The following C1orf105 variants were observed in gnomAD, a reference collection of about 807,000 sequenced individuals.
C1orf105 encodes the protein chromosome 1 open reading frame 105.
In C1orf105, 17 loss-of-function variants were observed where a neutral mutation model predicts 20.8. That is an observed-to-expected ratio of 0.82 (90% CI 0.56 to 1.23). C1orf105 has a LOEUF of 1.23. Among genes scored for constraint, C1orf105 ranks in the 50% most tolerant of loss-of-function variants. The pLI, the probability that C1orf105 is intolerant of heterozygous loss-of-function variation, is 0.00. For missense variants in C1orf105, 219 were observed against 213.5 expected, an observed-to-expected ratio of 1.03 and a Z score of -0.16; for synonymous variants, 72 against 72.1, an observed-to-expected ratio of 1.00 and a Z score of 0.01.
At chr1:172,442,544 T>C (rs758883644) in intron 1 of C1orf105, 1 of 1,614,190 alleles carries the variant, frequency 6.2e-7, no homozygotes, top group South Asian at 1.1e-5. Flanking sequence ...TCCACATAGT[T>C]ATCAGGAAAG....
chr1:172,430,280 A>G, intron 1 of C1orf105: 1 of 701,260 alleles, frequency 1.4e-6, no homozygotes, highest in Non-Finnish European at 2.6e-6. Flanking sequence ...CTTTATACCA[A>G]TTGTTTTCTA....
chr1:172,449,670 G>A (rs955499532), intron 3 of C1orf105, among the ~76,000 whole-genome samples: 5 of 152,270 alleles, frequency 3.3e-5, no homozygotes, highest in African/African-American at 1.2e-4. Context: ...ACACATTGAA[G>A]GTTTTCAACA....
intron 1 of C1orf105, among the ~76,000 whole-genome samples, chr1:172,438,079 G>C (rs1002736988): frequency 6.6e-6 from 1 of 152,062 alleles, no homozygotes; most frequent in African/African-American, 2.4e-5. Flanking sequence ...TCTGTTTACA[G>C]CATGATATAC....
chr1:172,449,904 G>C (rs746821376), intron 3 of C1orf105, among the ~76,000 whole-genome samples: 1 of 152,188 alleles, frequency 6.6e-6, no homozygotes, highest in Non-Finnish European at 1.5e-5. Context: ...ACCTGCCGCT[G>C]AATGCCTCCT....
chr1:172,447,131 A>G (rs1338208582), intron 2 of C1orf105, among the ~76,000 whole-genome samples: 2 of 152,228 alleles, frequency 1.3e-5, no homozygotes, highest in Non-Finnish European at 2.9e-5. Flanking sequence ...TCCGGGTTCC[A>G]AGCTGTTTAT....
At chr1:172,422,763 AG>A (rs71107352) in intron 1 of C1orf105, among the ~76,000 whole-genome samples, 66,592 of 151,576 alleles carry the variant, frequency 0.44, 17,590 homozygotes, top group East Asian at 0.63. Context: ...ACTGCCCTGA[AG>A]GGTAAGTCAC....
chr1:172,453,063 T>G, intron 3 of C1orf105: 1 of 1,550,632 alleles, frequency 6.4e-7, no homozygotes, highest in South Asian at 1.2e-5. Flanking sequence ...TCTCAAATGT[T>G]TGCGTCGCCT....
At chr1:172,465,900 T>C (rs1004645007) in intron 6 of C1orf105, among the ~76,000 whole-genome samples, 3 of 152,240 alleles carry the variant, frequency 2.0e-5, no homozygotes, top group African/African-American at 4.8e-5. Context: ...TCAGCTTTAG[T>C]TAAGGCAACA....
At chr1:172,463,209 T>G (rs1356181697) in intron 5 of C1orf105, among the ~76,000 whole-genome samples, 2 of 152,238 alleles carry the variant, frequency 1.3e-5, no homozygotes, top group African/African-American at 4.8e-5. Flanking sequence ...CAACTTGCAT[T>G]GCAATAGATG....
At chr1:172,462,701 C>T (rs1349732459) in intron 5 of C1orf105, among the ~76,000 whole-genome samples, 4 of 152,102 alleles carry the variant, frequency 2.6e-5, no homozygotes, top group Non-Finnish European at 5.9e-5. Flanking sequence ...AAATCAAGAT[C>T]GAGTATAACA....
intron 4 of C1orf105, 69 bp downstream of exon 4, chr1:172,456,558 C>A: frequency 6.8e-7 from 1 of 1,473,432 alleles, no homozygotes; most frequent in Non-Finnish European, 9.4e-7. Flanking sequence ...CCCAGCCAAG[C>A]CCTGTGGGGA....
At position 172,468,679 on chromosome 1, in the gene C1orf105, C is replaced by A; in HGVS notation, c.*85C>A. 2 of 1,404,444 alleles carry A rather than the reference C, an allele frequency of 1.4e-6. No individual in the cohort carries two copies. The highest frequency in any genetic ancestry group is 9.7e-7 in the Non-Finnish European group (1 of 1,032,092). 87.0% of individuals were successfully genotyped at this position (1,404,444 alleles called of 1,614,324 possible). A position where few individuals can be genotyped will look rare whatever the true frequency, so the allele number is the denominator to read the frequency against. On this transcript the variant is annotated 3_prime_UTR_variant, in exon 7 of 7. Transcript: ENST00000367727. ...CTTTGACACTGGCACCTTCTCCTCA[C>A]AATTTTCTCTCTTCTCCCAAAAGAT... is the stretch of plus-strand genomic sequence containing the variant.
intron 1 of C1orf105, among the ~76,000 whole-genome samples, chr1:172,421,571 T>A (rs912401877): frequency 6.6e-6 from 1 of 151,984 alleles, no homozygotes; most frequent in Non-Finnish European, 1.5e-5. Flanking sequence ...AAATCCTAAG[T>A]TGGGGAGGAC....
chr1:172,458,331 C>T (rs1649457445), intron 4 of C1orf105, among the ~76,000 whole-genome samples: 1 of 152,098 alleles, frequency 6.6e-6, no homozygotes, highest in Non-Finnish European at 1.5e-5. Context: ...CTAAGGAATG[C>T]ACAGAAAACT....
chr1:172,430,657 T>G (rs1384452040), intron 1 of C1orf105, among the ~76,000 whole-genome samples: 1 of 152,082 alleles, frequency 6.6e-6, no homozygotes, highest in African/African-American at 2.4e-5. Flanking sequence ...CCCAGGCTCG[T>G]CTCAAACTCC....
intron 1 of C1orf105, among the ~76,000 whole-genome samples, chr1:172,436,347 CA>C (rs752366356): frequency 6.6e-6 from 1 of 152,192 alleles, no homozygotes; most frequent in Non-Finnish European, 1.5e-5. Flanking sequence ...AACTATACTA[CA>C]AGGCTACAGT....
intron 3 of C1orf105, among the ~76,000 whole-genome samples, chr1:172,456,049 C>T (rs553187243): frequency 1.6e-4 from 24 of 152,258 alleles, no homozygotes; most frequent in Admixed American, 1.3e-3. Flanking sequence ...AAAAATGGCC[C>T]ACCTATAGGA....
intron 1 of C1orf105, among the ~76,000 whole-genome samples, chr1:172,440,170 A>C (rs2072174239): frequency 6.6e-6 from 1 of 152,240 alleles, no homozygotes; most frequent in South Asian, 2.1e-4. Context: ...ATATTTTGGA[A>C]TATGACTCCC....
chr1:172,421,047 G>T, intron 1 of C1orf105, 141 bp downstream of exon 1: 1 of 733,854 alleles, frequency 1.4e-6, no homozygotes, highest in Non-Finnish European at 2.2e-6. Flanking sequence ...AGAAGGTAAG[G>T]AAATAACAGC....
Sources: allele counts gnomAD v4.1 joint callset (sites outside exome capture counted in the v4.1 genomes callset), GRCh38; gene constraint gnomAD v4.1.1; transcripts MANE v1.5; gene names NCBI Gene and HGNC (gene_info 2026-07-23, HGNC 2026-07-21).